Variants in CSGALNACT1 observed in about 807,000 individuals in gnomAD.
CSGALNACT1 encodes beta4GalNAcT-1.
A neutral mutation model predicts 51.0 loss-of-function variants in CSGALNACT1; 52 were observed. The ratio of observed to expected loss-of-function variants is 1.02; its 90% CI spans 0.82 to 1.29. The LOEUF (loss-of-function observed/expected upper bound fraction) is 1.29. CSGALNACT1 is among the 50% of genes most tolerant of loss of function. The pLI is 0.00. For missense variants in CSGALNACT1, 935 were observed against 679.2 expected (o/e 1.38, Z -4.19); for synonymous variants, 341 against 254.4 (o/e 1.34, Z -3.24).
At chr8:19,682,586 C>T (rs1011557852), upstream of CSGALNACT1, 17 of 453,372 alleles carry the variant, frequency 3.7e-5, no homozygotes, top group Middle Eastern at 1.4e-3. Flanking sequence ...CTAAGGAGAG[C>T]ACTCACTGAT....
chr8:19,487,794 G>T (rs1197579810), intron 4 of CSGALNACT1, among the ~76,000 whole-genome samples: 1 of 152,016 alleles, frequency 6.6e-6, no homozygotes, highest in African/African-American at 2.4e-5. Context: ...AGGGCTGTAG[G>T]TATCATGAAA....
chr8:19,509,317 T>C (rs2077994418), intron 3 of CSGALNACT1, among the ~76,000 whole-genome samples: 1 of 152,048 alleles, frequency 6.6e-6, no homozygotes, highest in African/African-American at 2.4e-5. Context: ...GCACAAAACA[T>C]CATTCTTAAA....
intron 3 of CSGALNACT1, among the ~76,000 whole-genome samples, chr8:19,507,022 G>C (rs2077461969): frequency 6.6e-6 from 1 of 152,210 alleles, no homozygotes; most frequent in Non-Finnish European, 1.5e-5. Context: ...GCCTGAAAGA[G>C]GATCGACATG....
At chr8:19,733,629 C>T (rs188891131) in intron 1 of CSGALNACT1, among the ~76,000 whole-genome samples, 3 of 152,100 alleles carry the variant, frequency 2.0e-5, no homozygotes, top group South Asian at 2.1e-4. Flanking sequence ...CTCTGTGTGC[C>T]GAGTGGTCTA....
chr8:19,536,101 G>C lies in CSGALNACT1; in HGVS notation c.-296-29971C>G, dbSNP rs142494512. Among the ~76,000 whole-genome samples, 655 of 152,310 alleles carry C rather than the reference G, an allele frequency of 4.3e-3. 3 individuals carry two copies. Among genetic ancestry groups the C allele is most frequent in the African/African-American group, 0.015 (622 of 41,582 alleles). On this transcript the variant is annotated intron_variant, in intron 3 of 9. Transcript: ENST00000454498. ...AATCTACAAAAAACTCCTTGAGTAA[G>C]TGAGTGAGTCCAGCAGGAACAAAGG...
intron 4 of CSGALNACT1, among the ~76,000 whole-genome samples, chr8:19,502,113 C>G (rs973922622): frequency 1.3e-5 from 2 of 152,216 alleles, no homozygotes; most frequent in Non-Finnish European, 2.9e-5. Context: ...CACAGACAGA[C>G]CAGACCTTAT....
chr8:19,600,547 A>G (rs2050184063), intron 2 of CSGALNACT1, among the ~76,000 whole-genome samples: 1 of 152,214 alleles, frequency 6.6e-6, no homozygotes, highest in Admixed American at 6.5e-5. Flanking sequence ...ACAGTTCCAT[A>G]CGCCCTTCAA....
intron 4 of CSGALNACT1, among the ~76,000 whole-genome samples, chr8:19,459,434 G>A (rs2153819414): frequency 7.0e-6 from 1 of 143,556 alleles, no homozygotes; most frequent in Non-Finnish European, 1.5e-5. Context: ...CATTTCAGAT[G>A]AACTGACCAT....
chr8:19,751,396 G>GT (rs2065018577), intron 1 of CSGALNACT1, among the ~76,000 whole-genome samples: 1 of 152,160 alleles, frequency 6.6e-6, no homozygotes, highest in Admixed American at 6.5e-5. Flanking sequence ...AGTGTTAACC[G>GT]TTTTTATCAT....
chr8:19,684,927 C>T (rs74719373), upstream of CSGALNACT1, among the ~76,000 whole-genome samples: 536 of 152,314 alleles, frequency 3.5e-3, 2 homozygotes, highest in African/African-American at 0.013. Flanking sequence ...GAATTTCAGG[C>T]TCCACAAAAC....
Position 19,736,892 on chromosome 8 carries a change from C to A in CSGALNACT1, c.-297+20958G>T, listed in dbSNP as rs1250448829. Among the ~76,000 whole-genome samples, 3 of 151,126 alleles carry A rather than the reference C, an allele frequency of 2.0e-5. No individual in the cohort carries two copies. In the Admixed American group the frequency reaches 2.0e-4, roughly 10 times the overall value. On this transcript the variant is annotated intron_variant, in intron 1 of 1. Transcript: ENST00000517494. The stretch of plus-strand genomic sequence containing the variant: ...CCAAGATTGATGAAAGACAATTATC[C>A]TTGAGTTCAGGAATCTCACAAAACT...
rs1564387414 is a variant in CSGALNACT1, at chr8:19,667,072, AAAGAAAGAAAGAAAGAAAGAAAGAAAGG to A, written c.-544+15373_-544+15400del. ...GAAAGAAAGAAAGAAAGAAAGAAAG[AAAGAAAGAAAGAAAGAAAGAAAGAAAGG>A]GAAAGAAATCTCATCACAATATCAA... On this transcript the variant is annotated intron_variant, in intron 1 of 9. Transcript: ENST00000332246. 9.8e-3 allele frequency among the ~76,000 whole-genome samples: 1,252 copies of A among 127,702 alleles called. 282 individuals carry two copies. Among genetic ancestry groups the A allele is most frequent in the African/African-American group, 0.033 (1,203 of 36,162 alleles). 83.8% of individuals were successfully genotyped at this position (127,702 alleles called of 152,430 possible).
intron 3 of CSGALNACT1, among the ~76,000 whole-genome samples, chr8:19,555,110 G>A (rs1410094260): frequency 1.3e-5 from 2 of 151,646 alleles, no homozygotes; most frequent in Non-Finnish European, 2.9e-5. Flanking sequence ...GTGGTGCTGA[G>A]CGCCTGTAGT....
At position 19,483,642 on chromosome 8, in the gene CSGALNACT1, A is replaced by C. The variant is rs559755692; in HGVS notation, c.634+21559T>G. Among the ~76,000 whole-genome samples the C allele has an allele frequency of 5.3e-5, 8 of 152,236 alleles. No homozygotes were observed. In the South Asian group the frequency reaches 1.7e-3, roughly 32 times the overall value. ...TGGATCTGATGGCCTTCCTTCCTAC[A>C]TGCCCCATACAACAATTATGTAATC... On this transcript the variant is annotated intron_variant, in intron 4 of 9. Transcript: ENST00000454498.
At chr8:19,616,852 C>G (rs75461545) in intron 1 of CSGALNACT1, among the ~76,000 whole-genome samples, 1 of 152,130 alleles carries the variant, frequency 6.6e-6, no homozygotes, top group South Asian at 2.1e-4. Flanking sequence ...GGTCCCCAAC[C>G]TTTTTGGCAC....
intron 4 of CSGALNACT1, among the ~76,000 whole-genome samples, chr8:19,501,554 G>A (rs751554415): frequency 1.3e-5 from 2 of 152,186 alleles, no homozygotes; most frequent in Non-Finnish European, 2.9e-5. Context: ...ACCCTGCAGA[G>A]GCTGGAGGAG....
At chr8:19,548,655 C>A (rs1317782962) in intron 3 of CSGALNACT1, among the ~76,000 whole-genome samples, 1 of 152,198 alleles carries the variant, frequency 6.6e-6, no homozygotes, top group Admixed American at 6.5e-5. Flanking sequence ...TTATCAAGCA[C>A]ATGATTTTAA....
chr8:19,482,482 T>G (rs1170431481), intron 4 of CSGALNACT1, among the ~76,000 whole-genome samples: 1 of 152,090 alleles, frequency 6.6e-6, no homozygotes, highest in Admixed American at 6.6e-5. Flanking sequence ...TTCTGCTACA[T>G]CCAATAGATC....
chr8:19,497,508 A>T (rs2075695991), intron 4 of CSGALNACT1, among the ~76,000 whole-genome samples: 1 of 152,214 alleles, frequency 6.6e-6, no homozygotes, highest in Non-Finnish European at 1.5e-5. Context: ...CTCAGGTATG[A>T]TACAGATGCT....
Sources: allele counts gnomAD v4.1 joint callset (sites outside exome capture counted in the v4.1 genomes callset), GRCh38; gene constraint gnomAD v4.1.1; transcripts MANE v1.5; gene names NCBI Gene and HGNC (gene_info 2026-07-23, HGNC 2026-07-21).